Variants in ZMAT4 observed in about 807,000 individuals in gnomAD.
ZMAT4 encodes zinc finger matrin-type protein 4.
Under a neutral mutation model 28.7 loss-of-function variants are expected in ZMAT4, and 17 were observed. The ratio of observed to expected loss-of-function variants is 0.59; its 90% CI spans 0.41 to 0.89. The LOEUF (loss-of-function observed/expected upper bound fraction) is 0.89. Ranked by LOEUF, ZMAT4 falls within the 40% of genes least tolerant of loss-of-function variation. The pLI is 0.00. For synonymous variants in ZMAT4, 117 were observed against 109.2 expected (o/e 1.07, Z -0.44); for missense variants, 240 against 283.8 (o/e 0.85, Z 1.11).
chr8:40,743,728 G>A (rs1812625786), intron 3 of ZMAT4, among the ~76,000 whole-genome samples: 1 of 152,082 alleles, frequency 6.6e-6, no homozygotes, highest in African/African-American at 2.4e-5. Context: ...GGCCGATTCC[G>A]GCGTGAAGCC....
At chr8:40,885,486 A>T (rs531943492) in intron 1 of ZMAT4, among the ~76,000 whole-genome samples, 18 of 152,328 alleles carry the variant, frequency 1.2e-4, no homozygotes, top group Admixed American at 1.1e-3. Flanking sequence ...TCAACATAGC[A>T]ACCAGAGTAA....
In ZMAT4 at chr8:40,767,689, A is replaced by C. The variant is rs1368212304; in HGVS notation, c.144T>G (p.Leu48=). The part of the protein sequence containing the change: ...HASKVRLYYM[L]HPRDGGCPAK... ...CAGGACACCCTCCATCCCTGGGGTG[A>C]AGCATGTAATACAGTCGGACTTTGC... Residue 48 remains leucine, a synonymous_variant, in exon 3 of 7, where the codon CTT becomes CTG. Transcript: ENST00000297737. The C allele has an allele frequency of 2.5e-6, 4 of 1,613,254 alleles. No homozygotes were observed. The African/African-American group carries it at 5.3e-5, about 22-fold the overall frequency.
intron 4 of ZMAT4, 67 bp downstream of exon 4, chr8:40,697,178 A>G: frequency 6.8e-7 from 1 of 1,469,252 alleles, no homozygotes; most frequent in Non-Finnish European, 9.1e-7. Context: ...AAGGAGGAGC[A>G]TGATCTGCAA....
intron 5 of ZMAT4, among the ~76,000 whole-genome samples, chr8:40,586,376 G>GT (rs1465463815): frequency 1.3e-5 from 2 of 152,136 alleles, no homozygotes; most frequent in Non-Finnish European, 1.5e-5. Flanking sequence ...CCTAATATGT[G>GT]TTAGAAAAAC....
intron 3 of ZMAT4, among the ~76,000 whole-genome samples, chr8:40,756,744 T>C (rs1332191068): frequency 2.0e-5 from 3 of 151,640 alleles, no homozygotes; most frequent in East Asian, 3.9e-4. Flanking sequence ...TACTGAACCA[T>C]TGCTCTTAAA....
chr8:40,806,710 T>C (rs7822909), intron 2 of ZMAT4, among the ~76,000 whole-genome samples: 78,220 of 151,714 alleles, frequency 0.52, 20,514 homozygotes, highest in Middle Eastern at 0.63. Context: ...GCTACATACA[T>C]CCTTCTCATT....
chr8:40,744,659 G>A (rs1812145002), intron 3 of ZMAT4, among the ~76,000 whole-genome samples: 1 of 152,032 alleles, frequency 6.6e-6, no homozygotes, highest in East Asian at 1.9e-4. Context: ...CCCACCCCAG[G>A]TATTAGGTTC....
At chr8:40,658,978 T>G (rs1248366956) in intron 5 of ZMAT4, among the ~76,000 whole-genome samples, 1 of 152,144 alleles carries the variant, frequency 6.6e-6, no homozygotes, top group Non-Finnish European at 1.5e-5. Flanking sequence ...ATATTATCAG[T>G]AGAAGGGTTG....
chr8:40,763,741 ACT>A (rs1199207646), intron 3 of ZMAT4, among the ~76,000 whole-genome samples: 12 of 152,020 alleles, frequency 7.9e-5, no homozygotes, highest in African/African-American at 2.7e-4. Context: ...CCCCATCTAG[ACT>A]CTAGGATGTT....
At chr8:40,862,978 AAAAG>A (rs200600161) in intron 1 of ZMAT4, among the ~76,000 whole-genome samples, 25 of 152,094 alleles carry the variant, frequency 1.6e-4, no homozygotes, top group South Asian at 4.1e-4. Flanking sequence ...ATTTAAAAAA[AAAAG>A]AAAGAAAGAA....
intron 3 of ZMAT4, among the ~76,000 whole-genome samples, chr8:40,757,667 C>A (rs1812752037): frequency 6.6e-6 from 1 of 151,876 alleles, no homozygotes; most frequent in Admixed American, 6.6e-5. Context: ...AAAATAATAT[C>A]TTTATTTATG....
intron 3 of ZMAT4, among the ~76,000 whole-genome samples, chr8:40,699,595 T>G: frequency 3.2e-5 from 1 of 31,136 alleles, no homozygotes; most frequent in South Asian, 2.4e-3. Context: ...AAAATGTAAA[T>G]GCACACACAC....
At chr8:40,601,812 A>G (rs1205108276) in intron 5 of ZMAT4, among the ~76,000 whole-genome samples, 5 of 152,188 alleles carry the variant, frequency 3.3e-5, no homozygotes, top group East Asian at 1.9e-4. Context: ...TTCCTCTTAC[A>G]TCGTCAATGC....
At chr8:40,652,671 T>A (rs1807728326) in intron 5 of ZMAT4, among the ~76,000 whole-genome samples, 1 of 113,156 alleles carries the variant, frequency 8.8e-6, no homozygotes, top group Non-Finnish European at 1.9e-5. Flanking sequence ...TAGCAAAGAC[T>A]TGGAACCAAC....
At chr8:40,723,398 C>T (rs912609499) in intron 3 of ZMAT4, among the ~76,000 whole-genome samples, 2 of 151,986 alleles carry the variant, frequency 1.3e-5, no homozygotes, top group East Asian at 3.9e-4. Context: ...CAAAAATTAG[C>T]TCGGCATGGT....
At chr8:40,682,635 A>G (rs1278376718) in intron 4 of ZMAT4, among the ~76,000 whole-genome samples, 1 of 152,198 alleles carries the variant, frequency 6.6e-6, no homozygotes, top group Non-Finnish European at 1.5e-5. Flanking sequence ...GCCATTTCAC[A>G]TTTCCTGAGA....
At chr8:40,670,525 T>A (rs1672555801) in intron 5 of ZMAT4, among the ~76,000 whole-genome samples, 2 of 152,034 alleles carry the variant, frequency 1.3e-5, no homozygotes, top group Non-Finnish European at 2.9e-5. Flanking sequence ...AATAAAAAAG[T>A]TAAGTTAGCC....
intron 5 of ZMAT4, among the ~76,000 whole-genome samples, chr8:40,660,493 C>T (rs1223039391): frequency 6.6e-6 from 1 of 152,138 alleles, no homozygotes; most frequent in East Asian, 1.9e-4. Context: ...GGTATAGTGC[C>T]CGTTACATAA....
chr8:40,768,115 C>T (rs1262622738), intron 2 of ZMAT4, among the ~76,000 whole-genome samples: 1 of 152,216 alleles, frequency 6.6e-6, no homozygotes, highest in Non-Finnish European at 1.5e-5. Flanking sequence ...CCCTCAGGGT[C>T]TGGGGACAAT....
Sources: gnomAD v4.1 joint callset for allele counts (sites outside exome capture counted in the v4.1 genomes callset) on GRCh38, gnomAD v4.1.1 for gene constraint, MANE v1.5 for transcripts, NCBI Gene and HGNC (gene_info 2026-07-23, HGNC 2026-07-21) for gene names.